The following ATR variants were observed in gnomAD, a reference collection of about 807,000 sequenced individuals.
ATR encodes the protein ATR checkpoint kinase.
ATR carries 142 observed loss-of-function variants against 305.3 expected under a neutral mutation model. The ratio of observed to expected loss-of-function variants is 0.47; its 90% CI spans 0.41 to 0.53. The LOEUF (loss-of-function observed/expected upper bound fraction) is 0.53. Ranked by LOEUF, ATR falls within the 20% of genes least tolerant of loss-of-function variation. The pLI is 0.00. For missense variants in ATR, 2,135 were observed against 3,133.1 expected (o/e 0.68, Z 7.60); for synonymous variants, 1,050 against 1,068.1 (o/e 0.98, Z 0.33).
At position 142,458,961 on chromosome 3, in the gene ATR, A is replaced by G. The variant is rs751057775; in HGVS notation, c.7500T>C (p.Asn2500=). The G allele has an allele frequency of 6.8e-6, 11 of 1,613,564 alleles. No individual in the cohort carries two copies. Among genetic ancestry groups the G allele is most frequent in the Middle Eastern group, 1.6e-4 (1 of 6,084 alleles). The change falls in exon 44 of 47, where the codon AAT becomes AAC. Residue 2500 remains asparagine, a synonymous_variant. Coordinates refer to ENST00000350721, the MANE Select transcript of ATR (RefSeq NM_001184.4). ...AAGAGTAACTCATATCACATACCTT[A>G]TTGAAAAGACAATTGAAATCTACAT... ...CVHVDFNCLF[N]KGETFEVPEI...
intron 36 of ATR, among the ~76,000 whole-genome samples, chr3:142,472,612 T>C (rs2071314406): frequency 6.6e-6 from 1 of 152,114 alleles, no homozygotes; most frequent in South Asian, 2.1e-4. Flanking sequence ...TTTTTTTTAA[T>C]TGGGTAATTT....
intron 19 of ATR, among the ~76,000 whole-genome samples, chr3:142,538,205 A>G (rs1299084713): frequency 6.6e-6 from 1 of 152,190 alleles, no homozygotes; most frequent in Non-Finnish European, 1.5e-5. Flanking sequence ...TTTGACTGTG[A>G]AAAGAAAGGT....
chr3:142,535,235 T>C (rs2033811094), intron 20 of ATR, 30 bp from the exon 21 acceptor site: 1 of 1,611,720 alleles, frequency 6.2e-7, no homozygotes, highest in Non-Finnish European at 8.5e-7. Context: ...AGACAGAACT[T>C]ATTAATCAAC....
rs1439435418 is a variant in ATR, at chr3:142,578,719, G to A, written c.-15C>T. On this transcript the variant is annotated 5_prime_UTR_variant, in exon 1 of 47. Transcript: ENST00000350721. The stretch of plus-strand genomic sequence containing the variant: ...TGTTCCCCCATGCTGAGGCTGCGAG[G>A]CACTAGTCAACCACGCCAACGCGGG... 6.2e-7 allele frequency: 1 copy of A among 1,610,982 alleles called. No individual in the cohort carries two copies. The highest frequency in any genetic ancestry group is 8.5e-7 in the Non-Finnish European group (1 of 1,179,362).
intron 18 of ATR, 100 bp downstream of exon 18, chr3:142,540,804 T>C: frequency 7.3e-7 from 1 of 1,378,430 alleles, no homozygotes; most frequent in East Asian, 2.5e-5. Flanking sequence ...ACCTTATTTA[T>C]TATTTGAACC....
intron 23 of ATR, among the ~76,000 whole-genome samples, chr3:142,521,783 C>T (rs1224612741): frequency 1.3e-5 from 2 of 152,132 alleles, no homozygotes; most frequent in East Asian, 3.8e-4. Flanking sequence ...CGAGGAGTTG[C>T]TTTTTATAAG....
chr3:142,466,455 T>C lies in ATR; in HGVS notation c.6766A>G (p.Ser2256Gly). 1 of 1,613,920 alleles carries C rather than the reference T, an allele frequency of 6.2e-7. No individual in the cohort carries two copies. Among genetic ancestry groups the C allele is most frequent in the Non-Finnish European group, 8.5e-7 (1 of 1,179,836 alleles). The change falls in exon 40 of 47, where the codon AGT becomes GGT. Residue 2256 changes from serine to glycine, a missense_variant. By Grantham distance (56) the Ser-to-Gly change is moderately conservative (BLOSUM62 0). Around this residue, in one of 9 missense-constraint regions of ATR, gnomAD observed 462 missense variants for 887.6 expected, o/e 0.52. Transcript: ENST00000350721. ...LKKLVEEATFSEILIPLQSVM... is the reference protein window; with the variant it reads ...LKKLVEEATFGEILIPLQSVM... ...GATTGTAGAGGAATGAGGATTTCACTAAATGTTGCTTCTTCTACCAGCTTT... is the reference window on the plus strand; with the variant it reads ...GATTGTAGAGGAATGAGGATTTCACCAAATGTTGCTTCTTCTACCAGCTTT...
chr3:142,564,630 C>T lies in ATR; in HGVS notation c.292+1491G>A, dbSNP rs912683258. On this transcript the variant is annotated intron_variant, in intron 3 of 46. Coordinates refer to ENST00000350721, the MANE Select transcript of ATR (RefSeq NM_001184.4). ...TACAGTTTCTTGAGCTTTTTGACTG[C>T]AACAAAGAAATAACATTTTATATCA... 3.9e-5 allele frequency among the ~76,000 whole-genome samples: 6 copies of T among 152,090 alleles called. No homozygotes were observed. In the South Asian group the frequency reaches 6.2e-4, roughly 16 times the overall value.
chr3:142,507,876 T>TA, intron 28 of ATR, 55 bp downstream of exon 28: 1 of 1,469,334 alleles, frequency 6.8e-7, no homozygotes, highest in Non-Finnish European at 9.5e-7. Context: ...AACATAAACA[T>TA]AAAAGACTGG....
intron 27 of ATR, among the ~76,000 whole-genome samples, chr3:142,510,115 G>GC (rs573507937): frequency 2.9e-4 from 28 of 95,302 alleles, no homozygotes; most frequent in African/African-American, 9.7e-4. Context: ...GACTGTCTCA[G>GC]AAAAAAAAAA....
At chr3:142,561,456 C>G (rs1287031266) in intron 4 of ATR, 35 bp from the exon 5 acceptor site, 10 of 1,557,508 alleles carry the variant, frequency 6.4e-6, no homozygotes, top group Non-Finnish European at 8.8e-6. Context: ...AGAAATATTC[C>G]TTAGAAAATA....
chr3:142,453,655 AC>A (rs1417805285), intron 45 of ATR, among the ~76,000 whole-genome samples: 2 of 152,216 alleles, frequency 1.3e-5, no homozygotes, highest in Non-Finnish European at 2.9e-5. Flanking sequence ...TATGGGAAAT[AC>A]CCAGTTGGAT....
At chr3:142,565,733 T>TAAAAAAA (rs55690216) in intron 3 of ATR, among the ~76,000 whole-genome samples, 3 of 79,330 alleles carry the variant, frequency 3.8e-5, no homozygotes, top group Middle Eastern at 9.4e-3. Context: ...CTGTCTTATT[T>TAAAAAAA]AAAAAAAAAA....
intron 3 of ATR, among the ~76,000 whole-genome samples, chr3:142,563,552 G>A (rs1381380787): frequency 6.6e-6 from 1 of 152,192 alleles, no homozygotes; most frequent in Non-Finnish European, 1.5e-5. Context: ...ATGGATAAAT[G>A]TATGTGTTCT....
intron 9 of ATR, 67 bp downstream of exon 9, chr3:142,556,316 T>C (rs1404865600): frequency 1.3e-6 from 2 of 1,546,832 alleles, no homozygotes; most frequent in African/African-American, 1.4e-5. Context: ...CAACCCTGCA[T>C]ACATAGCCAG....
intron 19 of ATR, among the ~76,000 whole-genome samples, chr3:142,537,431 A>G (rs968994500): frequency 2.0e-5 from 3 of 152,178 alleles, no homozygotes; most frequent in Admixed American, 6.6e-5. Flanking sequence ...ACACTTCTGC[A>G]ATAAACAGCA....
intron 27 of ATR, among the ~76,000 whole-genome samples, chr3:142,508,693 G>A (rs2032382663): frequency 6.6e-6 from 1 of 152,122 alleles, no homozygotes; most frequent in African/African-American, 2.4e-5. Context: ...GGAGGCCGAG[G>A]CAGGCGGATC....
chr3:142,449,859 C>T (rs2070745226), intron 46 of ATR: 5 of 504,218 alleles, frequency 9.9e-6, no homozygotes, highest in Non-Finnish European at 1.1e-5. Flanking sequence ...GAATTATTTA[C>T]ACATTACAAT....
chr3:142,454,830 A>T (rs1262628495), intron 45 of ATR, among the ~76,000 whole-genome samples: 1 of 152,214 alleles, frequency 6.6e-6, no homozygotes, highest in Non-Finnish European at 1.5e-5. Flanking sequence ...CATCATACTT[A>T]AAAGTCAAAG....
Sources: gnomAD v4.1 joint callset for allele counts (sites outside exome capture counted in the v4.1 genomes callset) on GRCh38, gnomAD v4.1.1 for gene constraint, gnomAD v4.1.1 regional missense constraint, MANE v1.5 for transcripts, NCBI Gene and HGNC (gene_info 2026-07-23, HGNC 2026-07-21) for gene names.